Variants in WNT9A observed in about 807,000 individuals in gnomAD.
WNT9A encodes protein Wnt-9a.
Under a neutral mutation model 31.4 loss-of-function variants are expected in WNT9A, and 8 were observed. That is an observed-to-expected ratio of 0.26 (90% CI 0.15 to 0.46). The LOEUF (loss-of-function observed/expected upper bound fraction) is 0.46, where lower values mean the gene tolerates loss of function less well. Among genes scored for constraint, WNT9A ranks in the 20% least tolerant of loss-of-function variants. The pLI, the probability that WNT9A is intolerant of heterozygous loss-of-function variation, is 0.99. For missense variants in WNT9A, 457 were observed against 522.9 expected, an observed-to-expected ratio of 0.87 and a Z score of 1.23; for synonymous variants, 236 against 220.1, an observed-to-expected ratio of 1.07 and a Z score of -0.64.
chr1:227,943,520 A>C (rs1182604361), intron 1 of WNT9A, among the ~76,000 whole-genome samples: 1 of 152,250 alleles, frequency 6.6e-6, no homozygotes, highest in Non-Finnish European at 1.5e-5. Context: ...TGACAAATGC[A>C]GTCAGAGCCC....
chr1:227,921,980 C>T lies in WNT9A; in HGVS notation c.636G>A (p.Glu212=). The T allele has an allele frequency of 1.9e-6, 3 of 1,609,288 alleles. No homozygotes were observed. Among genetic ancestry groups the T allele is most frequent in the Non-Finnish European group, 2.5e-6 (3 of 1,177,312 alleles). Reference sequence around the variant, plus strand: ...ACACGCCGTGGCACTTGCAGGTGGTCTCCACCCCAGCCTTGATCACCTGGC... The same window carrying T: ...ACACGCCGTGGCACTTGCAGGTGGTTTCCACCCCAGCCTTGATCACCTGGC... ...VGVKVIKAGV[E]TTCKCHGVSG... The change falls in exon 4 of 4, where the codon GAG becomes GAA. Residue 212 remains glutamate (E), a synonymous_variant. Transcript: ENST00000272164.
intron 1 of WNT9A, among the ~76,000 whole-genome samples, chr1:227,936,713 G>C (rs2796057): frequency 0.54 from 81,381 of 151,556 alleles, 22,114 homozygotes; most frequent in African/African-American, 0.63. Context: ...GCAGCCTCCA[G>C]CTCCAGGACT....
In WNT9A at chr1:227,932,196, T is replaced by C. The variant is rs145547869; in HGVS notation, c.96-6677A>G. Among the ~76,000 whole-genome samples, 499 of 152,346 alleles carry C rather than the reference T, an allele frequency of 3.3e-3. 11 individuals are homozygous for C. The highest frequency in any genetic ancestry group is 0.024 in the East Asian group (126 of 5,186). On this transcript the variant is annotated intron_variant, in intron 1 of 3. Coordinates refer to ENST00000272164, the MANE Select transcript of WNT9A (RefSeq NM_003395.4). The stretch of plus-strand genomic sequence containing the variant: ...CCTGCCACTGCTTTATCAACTAAAT[T>C]GATATCAATTCTAAATCCTTTGTTG...
At chr1:227,933,719 A>T (rs1666546459) in intron 1 of WNT9A, among the ~76,000 whole-genome samples, 1 of 152,194 alleles carries the variant, frequency 6.6e-6, no homozygotes, top group East Asian at 1.9e-4. Context: ...CTAATCCTTG[A>T]CATGCAATGG....
chr1:227,940,099 T>C (rs1468465047), intron 1 of WNT9A, among the ~76,000 whole-genome samples: 1 of 152,120 alleles, frequency 6.6e-6, no homozygotes, highest in Admixed American at 6.5e-5. Context: ...CCGTGTCCCA[T>C]GGCAGCCCCT....
intron 1 of WNT9A, among the ~76,000 whole-genome samples, chr1:227,930,285 G>A (rs1666487316): frequency 6.6e-6 from 1 of 152,190 alleles, no homozygotes; most frequent in South Asian, 2.1e-4. Flanking sequence ...GCCCAGGAGT[G>A]GGTGGATAAG....
intron 1 of WNT9A, among the ~76,000 whole-genome samples, chr1:227,946,854 G>A (rs1022033235): frequency 2.2e-4 from 34 of 152,194 alleles, no homozygotes; most frequent in African/African-American, 7.9e-4. Flanking sequence ...GAGGGCGGCG[G>A]CCCGGCTGAG....
intron 1 of WNT9A, among the ~76,000 whole-genome samples, chr1:227,938,464 C>T (rs915214927): frequency 6.6e-6 from 1 of 151,772 alleles, no homozygotes; most frequent in African/African-American, 2.4e-5. Context: ...CACATGCATA[C>T]ACACATCCAC....
rs997362595 is a variant in WNT9A at position 227,920,561 on chromosome 1, C to G, written c.*957G>C. On this transcript the variant is annotated 3_prime_UTR_variant, in exon 4 of 4. Transcript: ENST00000272164. ...CCCCGAGCCTGGGCACCCGCACGGC[C>G]GGGCCCTGGGAGTGCAGAACAGGCT... 7.9e-5 allele frequency: 12 copies of G among 152,192 alleles called. No homozygotes were observed. The highest frequency in any genetic ancestry group is 2.7e-4 in the African/African-American group (11 of 41,448). 9.4% of individuals were successfully genotyped at this position (152,192 alleles called of 1,614,324 possible).
chr1:227,944,430 A>C (rs1407807645), intron 1 of WNT9A, among the ~76,000 whole-genome samples: 1 of 152,248 alleles, frequency 6.6e-6, no homozygotes, highest in Non-Finnish European at 1.5e-5. Flanking sequence ...TTCTGGAATT[A>C]AACAGTGGTG....
intron 1 of WNT9A, among the ~76,000 whole-genome samples, chr1:227,927,873 G>T (rs1014172675): frequency 3.3e-5 from 5 of 152,066 alleles, no homozygotes; most frequent in African/African-American, 1.2e-4. Context: ...GTGGACAGGG[G>T]ACAGGGGGAG....
chr1:227,946,831 C>A (rs1666801828), intron 1 of WNT9A, among the ~76,000 whole-genome samples: 1 of 152,092 alleles, frequency 6.6e-6, no homozygotes, highest in Non-Finnish European at 1.5e-5. Flanking sequence ...GGGCCGGGAA[C>A]AGGTGACCGG....
rs2102713427 is a variant in WNT9A at position 227,919,035 on chromosome 1, T to C, written c.*2483A>G. The C allele has an allele frequency of 6.6e-6, 1 of 152,236 alleles. No individual in the cohort carries two copies. The highest frequency in any genetic ancestry group is 1.9e-4 in the East Asian group (1 of 5,198). The allele number at this position is 152,236 out of a possible 1,614,324, so 9.4% of individuals were successfully genotyped here. The stretch of plus-strand genomic sequence containing the variant: ...ATCCAGCAAGACATTCGAATATGTA[T>C]TTGTATAGAAACCAACTAGCTAGCA... On this transcript the variant is annotated 3_prime_UTR_variant, in exon 4 of 4. Coordinates refer to ENST00000272164, the MANE Select transcript of WNT9A (RefSeq NM_003395.4).
intron 1 of WNT9A, among the ~76,000 whole-genome samples, chr1:227,945,147 G>A (rs1409279023): frequency 2.0e-5 from 3 of 152,204 alleles, no homozygotes; most frequent in African/African-American, 2.4e-5. Flanking sequence ...TCCCAATGGA[G>A]GACAAACCAT....
At chr1:227,937,338 G>A (rs1051805846) in intron 1 of WNT9A, among the ~76,000 whole-genome samples, 17 of 152,028 alleles carry the variant, frequency 1.1e-4, no homozygotes, top group South Asian at 4.1e-4. Flanking sequence ...CTCTGACCCC[G>A]GGCTGCTCAC....
Position 227,918,817 on chromosome 1 carries a change from C to T in WNT9A, c.*2701G>A. Reference sequence around the variant, plus strand: ...GAGACTCGGAGCACAGACAGGGCCCCTCCCACCCACCCACACCTGGCCAGA... The same window carrying T: ...GAGACTCGGAGCACAGACAGGGCCCTTCCCACCCACCCACACCTGGCCAGA... On this transcript the variant is annotated 3_prime_UTR_variant, in exon 4 of 4. Coordinates refer to ENST00000272164, the MANE Select transcript of WNT9A (RefSeq NM_003395.4). 6.6e-6 allele frequency: 1 copy of T among 151,636 alleles called. No individual in the cohort carries two copies. Among genetic ancestry groups the T allele is most frequent in the East Asian group, 2.0e-4 (1 of 5,128 alleles). 9.4% of individuals were successfully genotyped at this position (151,636 alleles called of 1,614,324 possible).
intron 3 of WNT9A, among the ~76,000 whole-genome samples, 171 bp downstream of exon 3, chr1:227,923,967 C>T (rs1666369604): frequency 6.6e-6 from 1 of 152,106 alleles, no homozygotes; most frequent in African/African-American, 2.4e-5. Context: ...GCACGAGAGG[C>T]TCCAGGACCA....
rs373890045 is a variant in WNT9A, at chr1:227,921,492, C to T, written c.*26G>A. On this transcript the variant is annotated 3_prime_UTR_variant, in exon 4 of 4. Coordinates refer to ENST00000272164, the MANE Select transcript of WNT9A (RefSeq NM_003395.4). Reference sequence around the variant, plus strand: ...CCGTGTGCAATGCCTGCACCCTGTGCAGCAGGGCTGGCAGGGCCTGGGAAC... The same window carrying T: ...CCGTGTGCAATGCCTGCACCCTGTGTAGCAGGGCTGGCAGGGCCTGGGAAC... 2 of 1,591,054 alleles carry T rather than the reference C, an allele frequency of 1.3e-6. No individual in the cohort carries two copies. The highest frequency in any genetic ancestry group is 1.3e-5 in the African/African-American group (1 of 74,622).
Position 227,919,561 on chromosome 1 carries a change from G to A in WNT9A, c.*1957C>T, listed in dbSNP as rs3820623. The A allele has an allele frequency of 0.28, 42,352 of 151,546 alleles. 6,670 individuals are homozygous for A. Among genetic ancestry groups the A allele is most frequent in the African/African-American group, 0.42 (17,406 of 41,150 alleles). The allele number at this position is 151,546 out of a possible 1,614,324, so 9.4% of individuals were successfully genotyped here. On this transcript the variant is annotated 3_prime_UTR_variant, in exon 4 of 4. Coordinates refer to ENST00000272164, the MANE Select transcript of WNT9A (RefSeq NM_003395.4). ...GTTCCTGTATCCATACCAGCAACCC[G>A]CCCAGAACCCAGCCCACAGCCATCA...
Sources: allele counts gnomAD v4.1 joint callset (sites outside exome capture counted in the v4.1 genomes callset), GRCh38; gene constraint gnomAD v4.1.1; transcripts MANE v1.5; gene names NCBI Gene and HGNC (gene_info 2026-07-23, HGNC 2026-07-21).